PDE4D: variants seen among roughly 807,000 people sequenced by gnomAD.
PDE4D encodes phosphodiesterase 4D, also known as 3',5'-cyclic-AMP phosphodiesterase 4D.
Under a neutral mutation model 87.4 loss-of-function variants are expected in PDE4D, and 24 were observed. The ratio of observed to expected loss-of-function variants is 0.27; its 90% CI spans 0.20 to 0.39. The LOEUF is 0.39. Ranked by LOEUF, PDE4D falls within the 10% of genes least tolerant of loss-of-function variation. The probability of loss-of-function intolerance (pLI) is 1.00; values close to 1 mark genes in which losing one functional copy is unlikely to be tolerated. For missense variants in PDE4D, 714 were observed against 1,041.0 expected (o/e 0.69, Z 4.32); for synonymous variants, 384 against 383.2 (o/e 1.00, Z -0.02).
chr5:60,072,873 C>T (rs933042507), intron 2 of PDE4D, among the ~76,000 whole-genome samples: 1 of 152,112 alleles, frequency 6.6e-6, no homozygotes, highest in Admixed American at 6.6e-5. Context: ...ATACCAGAAT[C>T]ATGCTGTTTT....
rs1271525566 is a variant in PDE4D at position 59,196,561 on chromosome 5, A to C, written c.648-3025T>G. Among the ~76,000 whole-genome samples, 3 of 152,340 alleles carry C rather than the reference A, an allele frequency of 2.0e-5. No homozygotes were observed. The East Asian group carries it at 5.8e-4, about 29-fold the overall frequency. ...CCTAACTCTCACAAAACAACTGAGA[A>C]ATATTTACAGATACACCAGTGTTTA... On this transcript the variant is annotated intron_variant, in intron 2 of 14. Coordinates refer to ENST00000340635, the MANE Select transcript of PDE4D (RefSeq NM_001104631.2).
Position 58,989,986 on chromosome 5 carries a change from T to TAA in PDE4D, c.1288-69_1288-68dup, listed in dbSNP as rs11373971. Reference sequence around the variant, plus strand: ...GAAAAATTTCTCCATAGAGTATGTTTAAAAAAAAAAATCACACACCAGTGT... The same window carrying TAA: ...GAAAAATTTCTCCATAGAGTATGTTTAAAAAAAAAAAAATCACACACCAGTGT... On this transcript the variant is annotated intron_variant, in intron 9 of 14. Transcript: ENST00000340635. 76,982 of 647,356 alleles carry TAA rather than the reference T, an allele frequency of 0.12. 1,764 individuals are homozygous for TAA. The highest frequency in any genetic ancestry group is 0.18 in the Admixed American group (6,108 of 33,472). 40.1% of individuals were successfully genotyped at this position (647,356 alleles called of 1,614,324 possible). A position where few individuals can be genotyped will look rare whatever the true frequency, so the allele number is the denominator to read the frequency against.
At chr5:59,913,746 T>C (rs891562015) in intron 3 of PDE4D, among the ~76,000 whole-genome samples, 9 of 152,136 alleles carry the variant, frequency 5.9e-5, no homozygotes, top group Non-Finnish European at 8.8e-5. Context: ...AAATAGCTTA[T>C]ATATGCTTTA....
intron 1 of PDE4D, among the ~76,000 whole-genome samples, chr5:59,475,328 G>A (rs1343920341): frequency 6.6e-6 from 1 of 152,016 alleles, no homozygotes; most frequent in African/African-American, 2.4e-5. Context: ...TCTCAAAGGG[G>A]TCTCTAACCC....
At chr5:60,147,107 G>A (rs76796686) in intron 2 of PDE4D, among the ~76,000 whole-genome samples, 7,158 of 152,168 alleles carry the variant, frequency 0.047, 557 homozygotes, top group African/African-American at 0.16. Flanking sequence ...AAAGTCTATC[G>A]GAGGACTATG....
At chr5:59,836,684 CCTAT>C (rs939825310) in intron 1 of PDE4D, among the ~76,000 whole-genome samples, 37 of 150,966 alleles carry the variant, frequency 2.5e-4, no homozygotes, top group East Asian at 2.3e-3. Flanking sequence ...TATCTATCTA[CCTAT>C]CTATCTATGT....
At chr5:59,306,157 T>C (rs1771313096) in intron 1 of PDE4D, among the ~76,000 whole-genome samples, 1 of 152,200 alleles carries the variant, frequency 6.6e-6, no homozygotes, top group African/African-American at 2.4e-5. Flanking sequence ...TCTTTGTCTC[T>C]TTTAACTGCT....
At chr5:59,784,267 G>A (rs1304976716) in intron 1 of PDE4D, among the ~76,000 whole-genome samples, 3 of 151,218 alleles carry the variant, frequency 2.0e-5, no homozygotes, top group East Asian at 3.9e-4. Context: ...AAAAAAAGGG[G>A]ATTGTGCTTT....
At chr5:59,502,918 T>G (rs541710205) in intron 1 of PDE4D, among the ~76,000 whole-genome samples, 4 of 151,934 alleles carry the variant, frequency 2.6e-5, no homozygotes, top group African/African-American at 9.7e-5. Context: ...CTTTTTTTTT[T>G]TTTTTGCTGA....
intron 3 of PDE4D, among the ~76,000 whole-genome samples, chr5:59,900,259 T>TAC (rs1561837675): frequency 8.3e-6 from 1 of 120,498 alleles, no homozygotes; most frequent in Non-Finnish European, 1.9e-5. Context: ...TATATATATA[T>TAC]ATATACACAC....
chr5:60,089,579 A>G (rs1774888594), intron 2 of PDE4D, among the ~76,000 whole-genome samples: 1 of 152,044 alleles, frequency 6.6e-6, no homozygotes, highest in African/African-American at 2.4e-5. Context: ...ATCAACACCT[A>G]CATCAAAAAG....
chr5:59,219,097 T>G (rs1444088587), intron 1 of PDE4D, among the ~76,000 whole-genome samples: 1 of 146,666 alleles, frequency 6.8e-6, no homozygotes, highest in African/African-American at 2.5e-5. Context: ...TAATGCTAGA[T>G]GACGAGTTAG....
intron 5 of PDE4D, among the ~76,000 whole-genome samples, chr5:59,041,301 T>C (rs963203413): frequency 3.3e-5 from 5 of 152,216 alleles, no homozygotes; most frequent in South Asian, 2.1e-4. Flanking sequence ...AGGAAGTCCA[T>C]TGTAACCCCA....
chr5:60,284,261 G>A (rs957140770), intron 1 of PDE4D, among the ~76,000 whole-genome samples: 14 of 152,108 alleles, frequency 9.2e-5, no homozygotes, highest in African/African-American at 3.4e-4. Flanking sequence ...AAAAATTAAT[G>A]TTAAAAATGC....
intron 1 of PDE4D, among the ~76,000 whole-genome samples, chr5:59,745,105 T>A (rs928634404): frequency 2.0e-5 from 3 of 152,140 alleles, no homozygotes; most frequent in Non-Finnish European, 4.4e-5. Context: ...AGCTTTCACA[T>A]CTCATGCTTT....
intron 1 of PDE4D, among the ~76,000 whole-genome samples, chr5:59,281,819 T>C (rs1304094615): frequency 6.6e-6 from 1 of 152,178 alleles, no homozygotes; most frequent in East Asian, 1.9e-4. Flanking sequence ...AAAGATTAAG[T>C]TGTAAAGGTA....
At chr5:59,715,240 C>T (rs1216878779) in intron 1 of PDE4D, among the ~76,000 whole-genome samples, 2 of 152,220 alleles carry the variant, frequency 1.3e-5, no homozygotes, top group East Asian at 1.9e-4. Flanking sequence ...CTTGAAGCAA[C>T]AGAGTACGCT....
rs1232950289 is a variant in PDE4D at position 60,137,968 on chromosome 5, G to C, written c.42+47589C>G. Among the ~76,000 whole-genome samples the C allele has an allele frequency of 2.0e-5, 3 of 152,216 alleles. No individual in the cohort carries two copies. In the East Asian group the frequency reaches 5.8e-4, roughly 29 times the overall value. ...CCTTGAGTTTATTTTTGTATATGGT[G>C]TAAGGAAGGGGTCCAGTTTCAGTTT... is the stretch of plus-strand genomic sequence containing the variant. On this transcript the variant is annotated intron_variant, in intron 2 of 16. Coordinates refer to the PDE4D transcript ENST00000502484.
rs140213369 is a variant in PDE4D at position 58,975,948 on chromosome 5, C to T, written c.1831-109G>A. On this transcript the variant is annotated intron_variant, in intron 13 of 14. Coordinates refer to ENST00000340635, the MANE Select transcript of PDE4D (RefSeq NM_001104631.2). The surrounding 1 kb of genome is among the most constrained non-coding windows in gnomAD (Gnocchi z 4.2). ...GATGACTGCAACACTTAAAAATACA[C>T]GTAGTGTAAGATTTATTCCAAACAG... 0.015 allele frequency: 11,571 copies of T among 786,436 alleles called. 121 individuals are homozygous for T. Among genetic ancestry groups the T allele is most frequent in the Non-Finnish European group, 0.018 (9,549 of 530,658 alleles). 48.7% of individuals were successfully genotyped at this position (786,436 alleles called of 1,614,324 possible).
Sources: allele counts gnomAD v4.1 joint callset (sites outside exome capture counted in the v4.1 genomes callset), GRCh38; gene constraint gnomAD v4.1.1; non-coding constraint Gnocchi (gnomAD v3.1); transcripts MANE v1.5; gene names NCBI Gene and HGNC (gene_info 2026-07-23, HGNC 2026-07-21).